RUNX2: variants seen among roughly 807,000 people sequenced by gnomAD.
RUNX2 encodes RUNX family transcription factor 2.
Under a neutral mutation model 51.7 loss-of-function variants are expected in RUNX2, and 10 were observed. The observed-to-expected ratio is 0.19, with a 90% confidence interval of 0.12 to 0.33. The LOEUF (loss-of-function observed/expected upper bound fraction) is 0.33. Ranked by LOEUF, RUNX2 falls within the 10% of genes least tolerant of loss-of-function variation. RUNX2 has a pLI of 1.00. For synonymous variants in RUNX2, 276 were observed against 273.6 expected (o/e 1.01, Z -0.09); for missense variants, 562 against 691.3 (o/e 0.81, Z 2.10).
chr6:45,364,754 T>A (rs1278042756), intron 2 of RUNX2, among the ~76,000 whole-genome samples: 1 of 152,160 alleles, frequency 6.6e-6, no homozygotes, highest in Admixed American at 6.5e-5. Flanking sequence ...TCAAATATTA[T>A]CAGAACTAAA....
chr6:45,500,047 T>G (rs192916937), intron 6 of RUNX2, among the ~76,000 whole-genome samples: 1 of 152,178 alleles, frequency 6.6e-6, no homozygotes, highest in Non-Finnish European at 1.5e-5. Flanking sequence ...AGGATCAGAA[T>G]AGGAGATTAA....
chr6:45,506,485 A>G (rs1800971352), intron 6 of RUNX2, among the ~76,000 whole-genome samples: 1 of 152,120 alleles, frequency 6.6e-6, no homozygotes, highest in Non-Finnish European at 1.5e-5. Context: ...TAAAAACCCA[A>G]CACCAGAGGG....
chr6:45,361,639 G>T (rs12194628), intron 2 of RUNX2: 1 of 152,104 alleles, frequency 6.6e-6, no homozygotes, highest in Admixed American at 6.5e-5. Flanking sequence ...GTTATTCAAA[G>T]GAGCTGTGAT....
chr6:45,375,469 C>A (rs377053412), intron 2 of RUNX2, among the ~76,000 whole-genome samples: 3 of 152,294 alleles, frequency 2.0e-5, no homozygotes, highest in African/African-American at 7.2e-5. Flanking sequence ...GAGCTATTCT[C>A]TCCATCTGAT....
At chr6:45,368,783 T>C (rs1432224737) in intron 2 of RUNX2, among the ~76,000 whole-genome samples, 1 of 152,178 alleles carries the variant, frequency 6.6e-6, no homozygotes, top group East Asian at 1.9e-4. Context: ...ATTCTAATGA[T>C]AACCTGAACA....
intron 2 of RUNX2, among the ~76,000 whole-genome samples, chr6:45,341,625 A>G (rs533743710): frequency 9.8e-5 from 15 of 152,362 alleles, no homozygotes; most frequent in African/African-American, 3.6e-4. Context: ...GTACAATGGC[A>G]TAAGACTCGA....
intron 4 of RUNX2, among the ~76,000 whole-genome samples, chr6:45,434,790 G>C (rs914967586): frequency 9.9e-5 from 15 of 152,054 alleles, no homozygotes; most frequent in Admixed American, 1.3e-4. Flanking sequence ...CCCTATTTGA[G>C]AGCCTACATT....
chr6:45,442,575 T>C (rs910586), intron 5 of RUNX2, among the ~76,000 whole-genome samples: 109,199 of 152,172 alleles, frequency 0.72, 39,752 homozygotes, highest in East Asian at 0.95. Flanking sequence ...AGGTATTATT[T>C]GTTGTGCAGA....
chr6:45,334,698 T>C (rs769860822), intron 2 of RUNX2, among the ~76,000 whole-genome samples: 1 of 151,194 alleles, frequency 6.6e-6, no homozygotes, highest in Admixed American at 6.6e-5. Flanking sequence ...CATATACACA[T>C]GCATGAGTGT....
At chr6:45,368,221 G>T (rs113903014) in intron 2 of RUNX2, among the ~76,000 whole-genome samples, 1 of 152,072 alleles carries the variant, frequency 6.6e-6, no homozygotes, top group African/African-American at 2.4e-5. Flanking sequence ...TGCAGATTGG[G>T]ACCTAGATTA....
intron 5 of RUNX2, among the ~76,000 whole-genome samples, chr6:45,441,020 C>T (rs78578960): frequency 0.054 from 8,218 of 152,152 alleles, 369 homozygotes; most frequent in Admixed American, 0.16. Flanking sequence ...TTTATTGATC[C>T]TTAACAGAGA....
intron 7 of RUNX2, among the ~76,000 whole-genome samples, chr6:45,521,445 C>T (rs1161139875): frequency 6.6e-6 from 1 of 152,104 alleles, no homozygotes; most frequent in Non-Finnish European, 1.5e-5. Flanking sequence ...AGTAACAATG[C>T]CAAAACATAT....
chr6:45,438,682 C>T (rs1039475699), intron 5 of RUNX2, among the ~76,000 whole-genome samples: 12 of 152,104 alleles, frequency 7.9e-5, no homozygotes, highest in South Asian at 6.2e-4. Flanking sequence ...AAGGTTTCAC[C>T]GGCAATCAGT....
At chr6:45,524,840 C>T (rs750406813) in intron 7 of RUNX2, among the ~76,000 whole-genome samples, 2 of 152,264 alleles carry the variant, frequency 1.3e-5, no homozygotes, top group East Asian at 1.9e-4. Flanking sequence ...AGGCTGGGCG[C>T]GGTGGCTCAT....
intron 2 of RUNX2, among the ~76,000 whole-genome samples, chr6:45,373,789 G>C (rs544526181): frequency 1.3e-4 from 20 of 152,186 alleles, no homozygotes; most frequent in Non-Finnish European, 2.6e-4. Context: ...CTGACATCAA[G>C]TGATCCACCC....
intron 2 of RUNX2, among the ~76,000 whole-genome samples, chr6:45,415,634 G>T (rs1798052695): frequency 6.6e-6 from 1 of 152,194 alleles, no homozygotes; most frequent in African/African-American, 2.4e-5. Flanking sequence ...GGGTATGTAT[G>T]CACTTCAGGA....
At chr6:45,504,539 G>C (rs1800899921) in intron 6 of RUNX2, among the ~76,000 whole-genome samples, 1 of 152,190 alleles carries the variant, frequency 6.6e-6, no homozygotes, top group African/African-American at 2.4e-5. Flanking sequence ...CCAGAAATGA[G>C]TGAAGAAAGC....
intron 5 of RUNX2, among the ~76,000 whole-genome samples, chr6:45,469,941 C>T (rs1365128161): frequency 1.3e-5 from 2 of 152,200 alleles, no homozygotes; most frequent in Non-Finnish European, 2.9e-5. Flanking sequence ...AACTCCGTCA[C>T]GAACCCTCAG....
chr6:45,372,301 C>G (rs1031637187), intron 2 of RUNX2, among the ~76,000 whole-genome samples: 1 of 152,104 alleles, frequency 6.6e-6, no homozygotes, highest in African/African-American at 2.4e-5. Flanking sequence ...CTTAGTAAAC[C>G]GCCTTGTACA....
Sources: allele counts gnomAD v4.1 joint callset (sites outside exome capture counted in the v4.1 genomes callset), GRCh38; gene constraint gnomAD v4.1.1; transcripts MANE v1.5; gene names NCBI Gene and HGNC (gene_info 2026-07-23, HGNC 2026-07-21).